DGKK: variants seen among roughly 807,000 people sequenced by gnomAD.
The protein encoded by DGKK is 142 kDa diacylglycerol kinase.
In DGKK, 35 loss-of-function variants were observed where a neutral mutation model predicts 92.2. The observed-to-expected ratio is 0.38, with a 90% CI of 0.29 to 0.50. The LOEUF is 0.50. Ranked by LOEUF, DGKK falls within the 20% of genes least tolerant of loss-of-function variation. The pLI is 0.92. For synonymous variants in DGKK, 368 were observed against 360.6 expected (o/e 1.02, Z -0.23); for missense variants, 910 against 992.2 (o/e 0.92, Z 1.11).
intron 4 of DGKK, among the ~76,000 whole-genome samples, chrX:50,413,544 G>C (rs1272893564): frequency 1.8e-5 from 2 of 111,918 alleles, no homozygotes; most frequent in African/African-American, 6.5e-5. Flanking sequence ...AATGGCAAGA[G>C]ACCTGAACAG....
chrX:50,375,059 T>TGAGAGGAAAAGAACGGAAAAG lies in DGKK; in HGVS notation c.3415-23_3415-3dup. The TGAGAGGAAAAGAACGGAAAAG allele has an allele frequency of 8.4e-7, 1 of 1,194,829 alleles. No homozygotes were observed. Among genetic ancestry groups the TGAGAGGAAAAGAACGGAAAAG allele is most frequent in the East Asian group, 3.0e-5 (1 of 33,580 alleles). ...TACGGCATCATTTCTGCTTAGAGTC[T>TGAGAGGAAAAGAACGGAAAAG]GAGAGGAAAAGAACGGAAAAGGAGA... is the stretch of plus-strand genomic sequence containing the variant. On this transcript the variant is annotated splice_region_variant and splice_polypyrimidine_tract_variant and intron_variant, in intron 24 of 27. Transcript: ENST00000611977.
intron 25 of DGKK, among the ~76,000 whole-genome samples, chrX:50,372,972 G>T (rs189389885): frequency 8.9e-6 from 1 of 112,292 alleles, no homozygotes; most frequent in Non-Finnish European, 1.9e-5. Context: ...TGTCACAAAC[G>T]GGTGGCATGT....
At chrX:50,454,678 C>T (rs1926568662) in intron 1 of DGKK, among the ~76,000 whole-genome samples, 1 of 111,092 alleles carries the variant, frequency 9.0e-6, no homozygotes, top group African/African-American at 3.3e-5. Flanking sequence ...GGAATGCTTT[C>T]TCCTCTCCAC....
intron 4 of DGKK, among the ~76,000 whole-genome samples, chrX:50,413,538 G>T (rs372596977): frequency 7.1e-5 from 8 of 112,050 alleles, no homozygotes; most frequent in African/African-American, 2.6e-4. Flanking sequence ...ATTAAAAATG[G>T]CAAGAGACCT....
chrX:50,448,829 A>G (rs926879967), intron 1 of DGKK, among the ~76,000 whole-genome samples: 1 of 111,367 alleles, frequency 9.0e-6, no homozygotes, highest in Non-Finnish European at 1.9e-5. Flanking sequence ...AGGATGCCCT[A>G]GGAATAATGG....
In DGKK at chrX:50,384,221, A is replaced by G; in HGVS notation, c.2496T>C (p.Ser832=). 1 of 1,184,324 alleles carries G rather than the reference A, an allele frequency of 8.4e-7. No individual in the cohort carries two copies. Among genetic ancestry groups the G allele is most frequent in the East Asian group, 3.1e-5 (1 of 32,710 alleles). Residue 832 remains serine (S), a synonymous_variant, in exon 17 of 28, where the codon AGT becomes AGC. Transcript: ENST00000611977. ...GTLSSISSLK[S]EDLDNLNLDH... is the part of the protein sequence containing the mutation. ...CCAAGTTAAGGTTGTCCAGGTCCTCACTTTTGAGAGAAGATATAGAAGACA... is the reference window on the plus strand; with the variant it reads ...CCAAGTTAAGGTTGTCCAGGTCCTCGCTTTTGAGAGAAGATATAGAAGACA...
intron 4 of DGKK, among the ~76,000 whole-genome samples, chrX:50,405,787 T>C (rs1372543625): frequency 8.9e-6 from 1 of 111,831 alleles, no homozygotes; most frequent in Non-Finnish European, 1.9e-5. Flanking sequence ...GTGATTGTAA[T>C]GTTTATTGTA....
At chrX:50,382,228 C>A (rs962147558) in intron 18 of DGKK, among the ~76,000 whole-genome samples, 6 of 112,436 alleles carry the variant, frequency 5.3e-5, no homozygotes, top group African/African-American at 1.3e-4. Context: ...TCAACATAAT[C>A]TGTTGTCAGT....
chrX:50,384,945 G>T, intron 15 of DGKK, 121 bp from the exon 16 acceptor site: 1 of 528,241 alleles, frequency 1.9e-6, no homozygotes, highest in Non-Finnish European at 3.1e-6. Context: ...CATTTATCGA[G>T]CATCTATTTT....
intron 1 of DGKK, among the ~76,000 whole-genome samples, chrX:50,430,916 A>AC (rs1925868612): frequency 1.8e-5 from 2 of 110,347 alleles, no homozygotes; most frequent in South Asian, 3.9e-4. Flanking sequence ...TATAATTAAC[A>AC]CCCCCCTGCT....
In DGKK at chrX:50,403,041, C is replaced by G. The variant is rs782283559; in HGVS notation, c.1308+20G>C. On this transcript the variant is annotated intron_variant, in intron 7 of 27. Coordinates refer to ENST00000611977, the MANE Select transcript of DGKK (RefSeq NM_001013742.4). ...GCCAGGAGTTAAGTTCTCTAAATAT[C>G]AAGATGAGAAGAGTCTTACCGTAGA... The G allele has an allele frequency of 8.3e-7, 1 of 1,207,461 alleles. No homozygotes were observed. Among genetic ancestry groups the G allele is most frequent in the Middle Eastern group, 2.3e-4 (1 of 4,303 alleles).
intron 8 of DGKK, among the ~76,000 whole-genome samples, chrX:50,394,453 G>A (rs928048324): frequency 1.3e-4 from 14 of 111,953 alleles, no homozygotes; most frequent in African/African-American, 4.5e-4. Flanking sequence ...GGACTTGCCA[G>A]GACTCACAGC....
rs954625053 is a variant in DGKK at position 50,376,660 on chromosome X, T to G, written c.3272+98A>C. On this transcript the variant is annotated intron_variant, in intron 23 of 27. Transcript: ENST00000611977. Reference sequence around the variant, plus strand: ...TAGAGCTCTAAGCTAAATTCCTCTCTGAGGCCAGGCTCCCTAGTAGCCAAT... The same window carrying G: ...TAGAGCTCTAAGCTAAATTCCTCTCGGAGGCCAGGCTCCCTAGTAGCCAAT... 7 of 868,283 alleles carry G rather than the reference T, an allele frequency of 8.1e-6. No homozygotes were observed. In the African/African-American group the frequency reaches 1.2e-4, roughly 15 times the overall value. The allele number at this position is 868,283 out of a possible 1,213,427, so 71.6% of individuals were successfully genotyped here. A position where few individuals can be genotyped will look rare whatever the true frequency, so the allele number is the denominator to read the frequency against.
chrX:50,376,697 G>A (rs1924282039), intron 23 of DGKK, 61 bp downstream of exon 23: 2 of 1,049,633 alleles, frequency 1.9e-6, no homozygotes, highest in South Asian at 6.1e-5. Context: ...GACACAAATT[G>A]GCTTCTTCTC....
At chrX:50,452,592 A>T (rs1926521696) in intron 1 of DGKK, among the ~76,000 whole-genome samples, 1 of 111,995 alleles carries the variant, frequency 8.9e-6, no homozygotes, top group South Asian at 3.7e-4. Context: ...GTTAAAAAAC[A>T]GTAGTAAGCA....
intron 1 of DGKK, among the ~76,000 whole-genome samples, chrX:50,463,274 C>T: frequency 1.0e-5 from 1 of 96,882 alleles, no homozygotes; most frequent in Admixed American, 1.1e-4. Context: ...ACATTTCTCC[C>T]CCCATCCTCC....
chrX:50,431,045 T>G (rs1341194701), intron 1 of DGKK, among the ~76,000 whole-genome samples: 8 of 110,421 alleles, frequency 7.2e-5, no homozygotes, highest in African/African-American at 2.6e-4. Flanking sequence ...TGCATTTTTT[T>G]TTAAGAGACA....
chrX:50,370,493 T>C lies in DGKK; in HGVS notation c.3669A>G (p.Lys1223=). ...RSLRLKIKFP[K]LGKKKVEEER... Reference sequence around the variant, plus strand: ...CCTCTTCTACCTTTTTCTTTCCCAATTTGGGGAACTTAATTTTCAGCCTGA... The same window carrying C: ...CCTCTTCTACCTTTTTCTTTCCCAACTTGGGGAACTTAATTTTCAGCCTGA... The change falls in exon 27 of 28, where the codon AAA becomes AAG. Residue 1223 remains lysine, a synonymous_variant. Transcript: ENST00000611977. 8.4e-7 allele frequency: 1 copy of C among 1,194,546 alleles called. No individual in the cohort carries two copies. Among genetic ancestry groups the C allele is most frequent in the South Asian group, 1.8e-5 (1 of 54,357 alleles).
chrX:50,384,069 G>GT lies in DGKK; in HGVS notation c.2549+98dup, dbSNP rs1387856209. ...GTCACTTGCGTAGGTGACACAGCTA[G>GT]TAAGTAAGAGAAAGGATTTGACTAT... On this transcript the variant is annotated intron_variant, in intron 17 of 27. Coordinates refer to ENST00000611977, the MANE Select transcript of DGKK (RefSeq NM_001013742.4). 253 of 476,848 alleles carry GT rather than the reference G, an allele frequency of 5.3e-4. 1 individual carries two copies. Among genetic ancestry groups the GT allele is most frequent in the Non-Finnish European group, 6.7e-4 (207 of 309,640 alleles). 39.3% of individuals were successfully genotyped at this position (476,848 alleles called of 1,213,427 possible).
Sources: allele counts gnomAD v4.1 joint callset (sites outside exome capture counted in the v4.1 genomes callset), GRCh38; gene constraint gnomAD v4.1.1; transcripts MANE v1.5; gene names NCBI Gene and HGNC (gene_info 2026-07-23, HGNC 2026-07-21).